MCPH1: variants seen among roughly 807,000 people sequenced by gnomAD.
The protein encoded by MCPH1 is microcephalin.
In MCPH1, 104 loss-of-function variants were observed where a neutral mutation model predicts 84.5. The observed-to-expected ratio is 1.23, with a 90% confidence interval of 1.05 to 1.45. The LOEUF (loss-of-function observed/expected upper bound fraction) is 1.45, where lower values mean the gene tolerates loss of function less well. Among genes scored for constraint, MCPH1 ranks in the 40% most tolerant of loss-of-function variants. The probability of loss-of-function intolerance (pLI) is 0.00; values close to 1 mark genes in which losing one functional copy is unlikely to be tolerated. For synonymous variants in MCPH1, 514 were observed against 366.8 expected (o/e 1.40, Z -4.58); for missense variants, 1,498 against 1,005.7 (o/e 1.49, Z -6.62).
chr8:6,427,038 G>T lies in MCPH1; in HGVS notation c.234-4461G>T, dbSNP rs146812576. ...CATGACATAGCTACTGCACACCTAG[G>T]CTCTGTGGCACAACCTGTTGCTCCT... On this transcript the variant is annotated intron_variant, in intron 3 of 13. Transcript: ENST00000344683. Among the ~76,000 whole-genome samples the T allele has an allele frequency of 3.3e-3, 501 of 152,300 alleles. 6 individuals are homozygous for T. The highest frequency in any genetic ancestry group is 0.012 in the African/African-American group (489 of 41,546).
Position 6,438,975 on chromosome 8 carries a change from A to C in MCPH1, c.459A>C (p.Leu153Phe). 6.2e-7 allele frequency: 1 copy of C among 1,612,458 alleles called. No individual in the cohort carries two copies. The highest frequency in any genetic ancestry group is 8.5e-7 in the Non-Finnish European group (1 of 1,178,838). The change falls in exon 6 of 14, where the codon TTA becomes TTC. Residue 153 changes from leucine (L) to phenylalanine (F), a missense_variant. Coordinates refer to ENST00000344683, the MANE Select transcript of MCPH1 (RefSeq NM_024596.5). Reference protein sequence around the residue: ...TNLDDDVPILLFESNGSLIYT... With the variant: ...TNLDDDVPILFFESNGSLIYT... ...CAGATGATGATGTACCTATTCTCTT[A>C]TTTGAATCTAATGGTTCATTAATAT... is the stretch of plus-strand genomic sequence containing the variant.
chr8:6,531,878 G>C (rs1028330974), intron 12 of MCPH1, among the ~76,000 whole-genome samples: 3 of 152,208 alleles, frequency 2.0e-5, no homozygotes, highest in Non-Finnish European at 4.4e-5. Flanking sequence ...TCCACAGGCT[G>C]TGTTAGCTGT....
chr8:6,599,301 A>G (rs1031042069), intron 12 of MCPH1, among the ~76,000 whole-genome samples: 1 of 152,278 alleles, frequency 6.6e-6, no homozygotes, highest in South Asian at 2.1e-4. Context: ...TTTTTTTTCC[A>G]AGTGACTCAG....
At chr8:6,525,251 C>T (rs866876942) in intron 12 of MCPH1, among the ~76,000 whole-genome samples, 5 of 152,242 alleles carry the variant, frequency 3.3e-5, no homozygotes, top group Middle Eastern at 3.4e-3. Context: ...GCCCCCTGAT[C>T]GTTGTAAATT....
intron 12 of MCPH1, among the ~76,000 whole-genome samples, chr8:6,542,085 T>A (rs957182788): frequency 6.6e-6 from 1 of 152,002 alleles, no homozygotes; most frequent in South Asian, 2.1e-4. Flanking sequence ...AGGAATGAGA[T>A]TGATGCATTT....
At chr8:6,505,355 C>A (rs369686444) in intron 12 of MCPH1, among the ~76,000 whole-genome samples, 450 of 39,400 alleles carry the variant, frequency 0.011, 17 homozygotes, top group Middle Eastern at 0.033. Context: ...TATATTCTTT[C>A]TATATGTATA....
At chr8:6,547,034 A>G (rs780473712) in intron 12 of MCPH1, among the ~76,000 whole-genome samples, 3 of 152,106 alleles carry the variant, frequency 2.0e-5, no homozygotes, top group South Asian at 4.1e-4. Context: ...TTCTCAGAGC[A>G]ACATGCACGT....
chr8:6,566,001 T>C (rs1225166558), intron 12 of MCPH1, among the ~76,000 whole-genome samples: 1 of 152,146 alleles, frequency 6.6e-6, no homozygotes, highest in African/African-American at 2.4e-5. Flanking sequence ...CAGTGTCAGA[T>C]GGTAATTATT....
chr8:6,556,688 A>G (rs747249284), intron 12 of MCPH1, among the ~76,000 whole-genome samples: 1 of 151,520 alleles, frequency 6.6e-6, no homozygotes, highest in African/African-American at 2.4e-5. Flanking sequence ...ATCATAGTTC[A>G]CTGCAGCCTT....
At chr8:6,627,611 C>G (rs1009688701) in intron 13 of MCPH1, among the ~76,000 whole-genome samples, 1 of 152,196 alleles carries the variant, frequency 6.6e-6, no homozygotes, top group Non-Finnish European at 1.5e-5. Flanking sequence ...TATATCTCAG[C>G]CAGGTGCGGT....
chr8:6,410,864 C>T (rs548896829), intron 2 of MCPH1, among the ~76,000 whole-genome samples: 3 of 152,094 alleles, frequency 2.0e-5, no homozygotes, highest in East Asian at 1.9e-4. Flanking sequence ...CCAAGGCAGG[C>T]GGATCACCTG....
chr8:6,457,000 C>T (rs2129557005), intron 9 of MCPH1, among the ~76,000 whole-genome samples: 1 of 152,184 alleles, frequency 6.6e-6, no homozygotes, highest in South Asian at 2.1e-4. Context: ...ATAGTAAGTG[C>T]TCCATAAATA....
intron 9 of MCPH1, among the ~76,000 whole-genome samples, chr8:6,473,024 A>T (rs193008322): frequency 6.6e-6 from 1 of 152,214 alleles, no homozygotes; most frequent in Non-Finnish European, 1.5e-5. Flanking sequence ...AATAAAGTCA[A>T]TATAAACCAT....
chr8:6,584,661 T>A (rs1827831222), intron 12 of MCPH1, among the ~76,000 whole-genome samples: 1 of 152,230 alleles, frequency 6.6e-6, no homozygotes, highest in South Asian at 2.1e-4. Context: ...TCACTTAATC[T>A]TTTCCAAAAT....
chr8:6,588,975 A>T (rs1828225633), intron 12 of MCPH1, among the ~76,000 whole-genome samples: 2 of 152,278 alleles, frequency 1.3e-5, no homozygotes, highest in Admixed American at 1.3e-4. Context: ...ATTGCAGCAC[A>T]GAGCGAATGG....
intron 13 of MCPH1, chr8:6,626,286 T>C (rs1259713691): frequency 1.0e-6 from 1 of 985,146 alleles, no homozygotes; most frequent in African/African-American, 1.7e-5. Context: ...CTCACTCACT[T>C]GCTCCCTGGA....
chr8:6,557,308 C>G (rs1315235381), intron 12 of MCPH1, among the ~76,000 whole-genome samples: 1 of 152,090 alleles, frequency 6.6e-6, no homozygotes, highest in Non-Finnish European at 1.5e-5. Flanking sequence ...AATATACAGG[C>G]TTGCATCCAC....
chr8:6,569,533 T>A lies in MCPH1; in HGVS notation c.2215-51921T>A, dbSNP rs535565248. Among the ~76,000 whole-genome samples, 157 of 152,308 alleles carry A rather than the reference T, an allele frequency of 1.0e-3. 1 individual carries two copies. The South Asian group carries it at 0.017, about 16-fold the overall frequency. ...AAAGGAAAGCCCCTTCAAGTTACCG[T>A]AAAGACAGAAGAAAAGGAAGAAAAA... On this transcript the variant is annotated intron_variant, in intron 12 of 13. Coordinates refer to ENST00000344683, the MANE Select transcript of MCPH1 (RefSeq NM_024596.5).
In MCPH1 at chr8:6,524,127, A is replaced by C. The variant is rs760674767; in HGVS notation, c.2214+24198A>C. On this transcript the variant is annotated intron_variant, in intron 12 of 13. Coordinates refer to ENST00000344683, the MANE Select transcript of MCPH1 (RefSeq NM_024596.5). The stretch of plus-strand genomic sequence containing the variant: ...TTCCTCTCTCTGACATTTTCCTTCC[A>C]ATATAAAGTTTAGTACACATGAATT... 7.2e-5 allele frequency among the ~76,000 whole-genome samples: 11 copies of C among 152,300 alleles called. No homozygotes were observed. In the South Asian group the frequency reaches 1.2e-3, roughly 17 times the overall value.
Sources: gnomAD v4.1 joint callset for allele counts (sites outside exome capture counted in the v4.1 genomes callset) on GRCh38, gnomAD v4.1.1 for gene constraint, MANE v1.5 for transcripts, NCBI Gene and HGNC (gene_info 2026-07-23, HGNC 2026-07-21) for gene names.